DHTKD1: variants seen among roughly 807,000 people sequenced by gnomAD.
DHTKD1 encodes 2-oxoadipate dehydrogenase complex component E1.
A neutral mutation model predicts 101.8 loss-of-function variants in DHTKD1; 78 were observed. The ratio of observed to expected loss-of-function variants is 0.77; its 90% CI spans 0.64 to 0.93. The LOEUF is 0.93. Ranked by LOEUF, DHTKD1 falls within the 40% of genes least tolerant of loss-of-function variation. DHTKD1 has a pLI of 0.00. For synonymous variants in DHTKD1, 462 were observed against 450.3 expected (o/e 1.03, Z -0.33); for missense variants, 1,223 against 1,161.7 (o/e 1.05, Z -0.77).
chr10:12,085,254 G>A (rs972457361), intron 3 of DHTKD1, among the ~76,000 whole-genome samples: 5 of 152,030 alleles, frequency 3.3e-5, no homozygotes, highest in African/African-American at 4.8e-5. Flanking sequence ...AGGCTGCAGT[G>A]AGCTGAGATC....
intron 14 of DHTKD1, 57 bp downstream of exon 14, chr10:12,117,812 A>G: frequency 1.2e-6 from 1 of 862,588 alleles, no homozygotes; most frequent in Non-Finnish European, 1.9e-6. Context: ...TAATGGGAAA[A>G]GTAGTTCACA....
chr10:12,070,235 A>AT (rs1279979187), intron 1 of DHTKD1, among the ~76,000 whole-genome samples: 1 of 152,152 alleles, frequency 6.6e-6, no homozygotes, highest in Non-Finnish European at 1.5e-5. Context: ...TGCGAGACTA[A>AT]TTTTGAGTAT....
intron 10 of DHTKD1, among the ~76,000 whole-genome samples, chr10:12,105,248 G>T (rs11257537): frequency 5.3e-5 from 8 of 151,854 alleles, no homozygotes; most frequent in African/African-American, 1.9e-4. Flanking sequence ...ATGCAAATAC[G>T]ATGTTAGAAT....
At chr10:12,100,967 A>T (rs1833159274) in intron 9 of DHTKD1, 75 bp from the exon 10 acceptor site, 2 of 1,482,140 alleles carry the variant, frequency 1.3e-6, no homozygotes, top group African/African-American at 1.4e-5. Flanking sequence ...GCCAGTATAT[A>T]AGAATTTACA....
intron 12 of DHTKD1, among the ~76,000 whole-genome samples, chr10:12,112,272 G>C (rs1012330933): frequency 2.6e-5 from 4 of 152,110 alleles, no homozygotes; most frequent in African/African-American, 9.7e-5. Flanking sequence ...CTATGATCAT[G>C]CCACTGAACT....
intron 6 of DHTKD1, 41 bp downstream of exon 6, chr10:12,091,725 A>T (rs777183080): frequency 1.3e-6 from 2 of 1,591,600 alleles, no homozygotes; most frequent in Non-Finnish European, 1.7e-6. Flanking sequence ...TGAAGCCGAC[A>T]TGGAATTCCT....
intron 6 of DHTKD1, 33 bp from the exon 7 acceptor site, chr10:12,094,040 T>A: frequency 6.3e-7 from 1 of 1,583,614 alleles, no homozygotes; most frequent in Non-Finnish European, 8.7e-7. Context: ...CTGGGTTAAC[T>A]GTCCTGTTTC....
intron 1 of DHTKD1, among the ~76,000 whole-genome samples, chr10:12,071,693 C>A (rs997632933): frequency 4.6e-5 from 7 of 151,996 alleles, no homozygotes; most frequent in Non-Finnish European, 1.0e-4. Flanking sequence ...TTTGGGAGGC[C>A]GAGACAGACA....
chr10:12,116,956 C>T (rs1292748107), intron 13 of DHTKD1, among the ~76,000 whole-genome samples: 1 of 152,022 alleles, frequency 6.6e-6, no homozygotes, highest in South Asian at 2.1e-4. Context: ...CTGCCTCAGC[C>T]TCCCAAAGTT....
In DHTKD1 at chr10:12,120,779, A is replaced by C; in HGVS notation, c.2659-8A>C. 2 of 1,612,840 alleles carry C rather than the reference A, an allele frequency of 1.2e-6. No individual in the cohort carries two copies. Among genetic ancestry groups the C allele is most frequent in the African/African-American group, 2.7e-5 (2 of 75,002 alleles). ...TGTCATTTTATTTCTTCTCTGCTGC[A>C]CTTATAGCTCCGTCTGGTGGGCCGG... On this transcript the variant is annotated splice_polypyrimidine_tract_variant and splice_region_variant and intron_variant, in intron 16 of 16. Coordinates refer to ENST00000263035, the MANE Select transcript of DHTKD1 (RefSeq NM_018706.7).
chr10:12,069,274 G>A, intron 1 of DHTKD1, 87 bp downstream of exon 1: 1 of 1,290,372 alleles, frequency 7.7e-7, no homozygotes, highest in Non-Finnish European at 1.0e-6. Flanking sequence ...TCGGGGTCGG[G>A]GAACCGGCTG....
At chr10:12,113,092 C>A in intron 13 of DHTKD1, 28 bp downstream of exon 13, 1 of 1,546,880 alleles carries the variant, frequency 6.5e-7, no homozygotes, top group Non-Finnish European at 8.7e-7. Context: ...AATAAGCCTT[C>A]CTCCTTTTGT....
intron 1 of DHTKD1, among the ~76,000 whole-genome samples, chr10:12,079,681 AAAAAT>A (rs1266604510): frequency 1.3e-5 from 2 of 152,140 alleles, no homozygotes; most frequent in African/African-American, 4.8e-5. Flanking sequence ...AAAAAAATAA[AAAAAT>A]AAAAGGTGAG....
At chr10:12,089,722 G>A (rs560205058) in intron 5 of DHTKD1, among the ~76,000 whole-genome samples, 25 of 152,002 alleles carry the variant, frequency 1.6e-4, no homozygotes, top group African/African-American at 5.5e-4. Context: ...TCAGGCTGGA[G>A]TGCAGTGGCG....
At chr10:12,091,712 T>C in intron 6 of DHTKD1, 28 bp downstream of exon 6, 3 of 1,604,696 alleles carry the variant, frequency 1.9e-6, no homozygotes, top group Non-Finnish European at 2.6e-6. Flanking sequence ...GAACTGATAT[T>C]GCTGAAGCCG....
chr10:12,073,944 G>A (rs139116509), intron 1 of DHTKD1, among the ~76,000 whole-genome samples: 146 of 152,288 alleles, frequency 9.6e-4, no homozygotes, highest in African/African-American at 3.4e-3. Context: ...CCAGAAGCAT[G>A]CCTCTGATAT....
At position 12,069,150 on chromosome 10, in the gene DHTKD1, G is replaced by A; in HGVS notation, c.117G>A (p.Glu39=). Residue 39 remains glutamate, a synonymous_variant, in exon 1 of 17, where the codon GAG becomes GAA. Transcript: ENST00000263035. ...ACGGCTACCGGCCGAGGAAGCCCGAGAGCCGCGAGCCCCAGGGCGCCCTGG... is the reference window on the plus strand; with the variant it reads ...ACGGCTACCGGCCGAGGAAGCCCGAAAGCCGCGAGCCCCAGGGCGCCCTGG... The part of the protein sequence containing the change: ...GVYGYRPRKP[E]SREPQGALER... The A allele has an allele frequency of 6.4e-6, 10 of 1,571,204 alleles. No homozygotes were observed. The highest frequency in any genetic ancestry group is 8.6e-6 in the Non-Finnish European group (10 of 1,160,408).
In DHTKD1 at chr10:12,084,603, T is replaced by C; in HGVS notation, c.374T>C (p.Ile125Thr). 6.2e-7 allele frequency: 1 copy of C among 1,613,850 alleles called. No individual in the cohort carries two copies. Among genetic ancestry groups the C allele is most frequent in the Non-Finnish European group, 8.5e-7 (1 of 1,179,790 alleles). ...GAAGTGTTAGTCTATCTCAATCAAA[T>C]CTACTGTGGGCAGATTTCTATTGAA... ...LEEVLVYLNQ[I>T]YCGQISIETS... The change falls in exon 3 of 17, where the codon ATC becomes ACC. Residue 125 changes from isoleucine (I) to threonine (T), a missense_variant. By Grantham distance (89) the Ile-to-Thr change is moderately conservative (BLOSUM62 -1). Coordinates refer to ENST00000263035, the MANE Select transcript of DHTKD1 (RefSeq NM_018706.7).
chr10:12,113,167 T>A (rs1833362299), intron 13 of DHTKD1, 103 bp downstream of exon 13: 2 of 1,078,650 alleles, frequency 1.9e-6, no homozygotes, highest in Admixed American at 6.1e-5. Context: ...CAGAAACACC[T>A]TTTTAGTTTC....
Sources: gnomAD v4.1 joint callset for allele counts (sites outside exome capture counted in the v4.1 genomes callset) on GRCh38, gnomAD v4.1.1 for gene constraint, MANE v1.5 for transcripts, NCBI Gene and HGNC (gene_info 2026-07-23, HGNC 2026-07-21) for gene names.